Variants in ARHGEF3 observed in about 807,000 individuals in gnomAD.
ARHGEF3 encodes the protein Rho guanine nucleotide exchange factor 3.
A neutral mutation model predicts 63.2 loss-of-function variants in ARHGEF3; 28 were observed. The ratio of observed to expected loss-of-function variants is 0.44; its 90% confidence interval spans 0.33 to 0.61. The LOEUF is 0.61. Among genes scored for constraint, ARHGEF3 ranks in the 20% least tolerant of loss-of-function variants. The pLI is 0.03. For missense variants in ARHGEF3, 533 were observed against 659.3 expected (o/e 0.81, Z 2.10); for synonymous variants, 266 against 254.2 (o/e 1.05, Z -0.44).
chr3:56,967,954 T>C (rs1445605175), intron 2 of ARHGEF3, among the ~76,000 whole-genome samples: 3 of 71,762 alleles, frequency 4.2e-5, no homozygotes, highest in African/African-American at 1.1e-4. Flanking sequence ...ATATATTATA[T>C]ATATAAAATA....
chr3:56,874,145 G>A (rs2040515276), intron 4 of ARHGEF3, among the ~76,000 whole-genome samples: 1 of 152,212 alleles, frequency 6.6e-6, no homozygotes, highest in African/African-American at 2.4e-5. Context: ...ATCAGAGGCG[G>A]CAGCGTCAGA....
At chr3:57,073,137 C>A (rs996495286) in intron 1 of ARHGEF3, among the ~76,000 whole-genome samples, 1 of 152,132 alleles carries the variant, frequency 6.6e-6, no homozygotes, top group Admixed American at 6.6e-5. Flanking sequence ...CTCACAGGTA[C>A]CCATGCCTGT....
chr3:57,073,017 G>GC (rs751325178), intron 1 of ARHGEF3, among the ~76,000 whole-genome samples: 6 of 152,188 alleles, frequency 3.9e-5, no homozygotes, highest in Admixed American at 1.3e-4. Context: ...GTGCACTCCA[G>GC]CCTGGGTGAC....
intron 4 of ARHGEF3, among the ~76,000 whole-genome samples, chr3:56,752,146 C>T (rs2034801643): frequency 6.6e-6 from 1 of 151,302 alleles, no homozygotes; most frequent in Non-Finnish European, 1.5e-5. Context: ...TGGTCTTGAT[C>T]TCTTGACCTC....
At chr3:57,007,686 G>A (rs1000503432) in intron 2 of ARHGEF3, among the ~76,000 whole-genome samples, 1 of 152,136 alleles carries the variant, frequency 6.6e-6, no homozygotes, top group Non-Finnish European at 1.5e-5. Flanking sequence ...CACCCTCCAG[G>A]GGCCTGACAA....
intron 1 of ARHGEF3, among the ~76,000 whole-genome samples, chr3:57,062,484 A>G (rs6445848): frequency 0.83 from 126,328 of 152,134 alleles, 52,521 homozygotes; most frequent in East Asian, 0.92. Context: ...GAGCATGGGG[A>G]AGCCTTTCAG....
At chr3:56,932,654 C>T (rs1043717585) in intron 3 of ARHGEF3, among the ~76,000 whole-genome samples, 9 of 152,074 alleles carry the variant, frequency 5.9e-5, no homozygotes, top group Non-Finnish European at 1.3e-4. Flanking sequence ...GATTCCTAGT[C>T]GTGGAATTAT....
chr3:56,974,241 T>C (rs1376981075), intron 2 of ARHGEF3, among the ~76,000 whole-genome samples: 1 of 152,168 alleles, frequency 6.6e-6, no homozygotes, highest in Non-Finnish European at 1.5e-5. Context: ...TACAGGCCAA[T>C]GGGAAATTTC....
In ARHGEF3 at chr3:56,960,390, A is replaced by G. The variant is rs770255653; in HGVS notation, c.63-1501T>C. Among the ~76,000 whole-genome samples the G allele has an allele frequency of 8.5e-5, 13 of 152,178 alleles. 1 individual carries two copies. Among genetic ancestry groups the G allele is most frequent in the Admixed American group, 5.9e-4 (9 of 15,274 alleles). On this transcript the variant is annotated intron_variant, in intron 2 of 12. Coordinates refer to the ARHGEF3 transcript ENST00000338458. ...TCTGACCTCAAATACCATGGTGTTTATTAGCGCTGTGACTCTGAACACGAG... is the reference window on the plus strand; with the variant it reads ...TCTGACCTCAAATACCATGGTGTTTGTTAGCGCTGTGACTCTGAACACGAG...
At chr3:56,825,461 G>A (rs1044475975) in intron 4 of ARHGEF3, among the ~76,000 whole-genome samples, 2 of 152,168 alleles carry the variant, frequency 1.3e-5, no homozygotes, top group African/African-American at 4.8e-5. Context: ...GTTCTTTTCT[G>A]CTGGGATTTG....
At chr3:56,965,694 G>C (rs1700466380) in intron 2 of ARHGEF3, among the ~76,000 whole-genome samples, 1 of 149,568 alleles carries the variant, frequency 6.7e-6, no homozygotes, top group South Asian at 2.1e-4. Flanking sequence ...TGTCGCCCAG[G>C]CTGGAGTGCA....
intron 2 of ARHGEF3, among the ~76,000 whole-genome samples, chr3:56,968,285 A>ATTT (rs1260046945): frequency 0.11 from 3,854 of 35,890 alleles, 500 homozygotes; most frequent in Non-Finnish European, 0.17. Context: ...TAAAATATAT[A>ATTT]TAATATATAT....
At chr3:56,976,879 C>G (rs777908780) in intron 2 of ARHGEF3, among the ~76,000 whole-genome samples, 1 of 152,134 alleles carries the variant, frequency 6.6e-6, no homozygotes, top group Non-Finnish European at 1.5e-5. Flanking sequence ...CTGCACCAAA[C>G]AGCAAGCCAC....
At chr3:56,751,420 G>A in intron 4 of ARHGEF3, 24 bp from the exon 5 acceptor site, 1 of 1,578,600 alleles carries the variant, frequency 6.3e-7, no homozygotes, top group Non-Finnish European at 8.7e-7. Flanking sequence ...GCAAGAGATG[G>A]AAGCACATGT....
At chr3:56,968,275 TAAA>T (rs1700736893) in intron 2 of ARHGEF3, among the ~76,000 whole-genome samples, 4 of 49,342 alleles carry the variant, frequency 8.1e-5, no homozygotes, top group African/African-American at 2.5e-4. Flanking sequence ...ATATAATATA[TAAA>T]ATATATATAA....
At chr3:57,067,671 CA>C (rs1705628726) in intron 1 of ARHGEF3, among the ~76,000 whole-genome samples, 1 of 150,250 alleles carries the variant, frequency 6.7e-6, no homozygotes, top group Admixed American at 6.6e-5. Context: ...CCAGTCTCTA[CA>C]AAAAATTTAA....
chr3:56,755,179 C>T, intron 2 of ARHGEF3, 28 bp from the exon 3 acceptor site: 3 of 1,607,380 alleles, frequency 1.9e-6, no homozygotes, highest in Non-Finnish European at 2.5e-6. Flanking sequence ...CAAACCATCA[C>T]GGGGGCAGCG....
In ARHGEF3 at chr3:56,944,317, T is replaced by C. The variant is rs1226254587; in HGVS notation, c.129+14506A>G. On this transcript the variant is annotated intron_variant, in intron 3 of 12. Transcript: ENST00000338458. ...ACCATTCTAGATGCCATTAAGAACATTCACAATTCATGGACAGAGGTCAAA... is the reference window on the plus strand; with the variant it reads ...ACCATTCTAGATGCCATTAAGAACACTCACAATTCATGGACAGAGGTCAAA... Among the ~76,000 whole-genome samples the C allele has an allele frequency of 1.3e-5, 2 of 152,162 alleles. 1 individual carries two copies. Among genetic ancestry groups the C allele is most frequent in the Non-Finnish European group, 2.9e-5 (2 of 68,036 alleles).
chr3:57,004,804 C>A (rs1702406584), intron 2 of ARHGEF3, among the ~76,000 whole-genome samples: 1 of 152,060 alleles, frequency 6.6e-6, no homozygotes, highest in South Asian at 2.1e-4. Context: ...TGTCTCCGTT[C>A]TAAAAATTAG....
Sources: gnomAD v4.1 joint callset for allele counts (sites outside exome capture counted in the v4.1 genomes callset) on GRCh38, gnomAD v4.1.1 for gene constraint, MANE v1.5 for transcripts, NCBI Gene and HGNC (gene_info 2026-07-23, HGNC 2026-07-21) for gene names.